MLLT10: variants seen among roughly 807,000 people sequenced by gnomAD.
The protein encoded by MLLT10 is MLLT10 histone lysine methyltransferase DOT1L cofactor, also known as protein AF-10.
Under a neutral mutation model 129.1 loss-of-function variants are expected in MLLT10, and 30 were observed. The observed-to-expected ratio is 0.23, with a 90% CI of 0.17 to 0.32. MLLT10 has a LOEUF of 0.32. Ranked by LOEUF, MLLT10 falls within the 10% of genes least tolerant of loss-of-function variation. The pLI is 1.00. For synonymous variants in MLLT10, 490 were observed against 446.4 expected, an observed-to-expected ratio of 1.10 and a Z score of -1.23; for missense variants, 1,119 against 1,268.3, an observed-to-expected ratio of 0.88 and a Z score of 1.79.
intron 3 of MLLT10, among the ~76,000 whole-genome samples, chr10:21,576,424 G>A (rs2040755162): frequency 6.6e-6 from 1 of 150,904 alleles, no homozygotes; most frequent in Non-Finnish European, 1.5e-5. Context: ...TGTATTTTTA[G>A]TAGAGCTAGG....
Position 21,740,077 on chromosome 10 carries a change from G to C in MLLT10, c.3003G>C (p.Gln1001His). The change falls in exon 22 of 23, where the codon CAG (glutamine) becomes CAC (histidine). Residue 1001 changes from glutamine to histidine, a missense_variant. Coordinates refer to ENST00000307729, the MANE Select transcript of MLLT10 (RefSeq NM_001195626.3). ...ATCAGTTAATGCAACATCACCACCA[G>C]CAGCACCACCAACCTGAACTTCAGC... ...FLYQLMQHHH[Q>H]QHHQPELQQL... 1 of 1,613,804 alleles carries C rather than the reference G, an allele frequency of 6.2e-7. No individual in the cohort carries two copies.
chr10:21,733,487 G>T lies in MLLT10; in HGVS notation c.2408-17G>T, dbSNP rs746977072. 4 of 1,443,054 alleles carry T rather than the reference G, an allele frequency of 2.8e-6. No individual in the cohort carries two copies. The highest frequency in any genetic ancestry group is 1.5e-5 in the South Asian group (1 of 68,712). 89.4% of individuals were successfully genotyped at this position (1,443,054 alleles called of 1,614,324 possible). On this transcript the variant is annotated splice_polypyrimidine_tract_variant and intron_variant, in intron 18 of 22. Coordinates refer to ENST00000307729, the MANE Select transcript of MLLT10 (RefSeq NM_001195626.3). ...TAATAGGGTAAATAGGTTTCTTTTTGTCTTTTATTATTCTAGCTCCTACTA... is the reference window on the plus strand; with the variant it reads ...TAATAGGGTAAATAGGTTTCTTTTTTTCTTTTATTATTCTAGCTCCTACTA...
At chr10:21,614,955 A>G (rs762964449) in intron 7 of MLLT10, 31 bp downstream of exon 7, 3 of 1,525,690 alleles carry the variant, frequency 2.0e-6, no homozygotes, top group African/African-American at 1.4e-5. Context: ...TAATGAAATG[A>G]TTATGATTAG....
intron 13 of MLLT10, among the ~76,000 whole-genome samples, chr10:21,709,276 C>T (rs896313831): frequency 3.3e-5 from 5 of 150,014 alleles, no homozygotes; most frequent in East Asian, 1.9e-4. Context: ...CTTGCTCTGT[C>T]GCCCAGGCTG....
At chr10:21,646,354 CTATT>C (rs2048474231) in intron 8 of MLLT10, among the ~76,000 whole-genome samples, 1 of 152,188 alleles carries the variant, frequency 6.6e-6, no homozygotes, top group South Asian at 2.1e-4. Flanking sequence ...TTCCTTGAAA[CTATT>C]TGGTAATGTT....
At chr10:21,717,592 CTCTTCT>C (rs1197825670) in intron 14 of MLLT10, among the ~76,000 whole-genome samples, 3 of 124,836 alleles carry the variant, frequency 2.4e-5, no homozygotes, top group Non-Finnish European at 5.0e-5. Context: ...CTTCCTCTTC[CTCTTCT>C]TTCTTCCTCT....
intron 13 of MLLT10, chr10:21,708,582 T>A (rs916248201): frequency 2.5e-4 from 242 of 985,186 alleles, no homozygotes; most frequent in South Asian, 1.9e-4. Context: ...GTTTTTTTTT[T>A]ACCAGTAAAC....
intron 8 of MLLT10, among the ~76,000 whole-genome samples, chr10:21,633,388 A>G (rs541388243): frequency 6.6e-6 from 1 of 152,350 alleles, no homozygotes; most frequent in Non-Finnish European, 1.5e-5. Flanking sequence ...TGAAAGATAC[A>G]TAGTGTATTC....
chr10:21,706,066 G>A (rs1046428043), intron 13 of MLLT10, among the ~76,000 whole-genome samples: 1 of 152,178 alleles, frequency 6.6e-6, no homozygotes, highest in African/African-American at 2.4e-5. Flanking sequence ...GGTATTGGTT[G>A]TTAGTTTTTT....
intron 4 of MLLT10, among the ~76,000 whole-genome samples, chr10:21,591,823 A>G (rs1157905772): frequency 6.6e-6 from 1 of 151,900 alleles, no homozygotes; most frequent in East Asian, 1.9e-4. Context: ...TCCCAGGTTC[A>G]AGCAGTCCTG....
At chr10:21,568,810 A>G (rs2039882049) in intron 3 of MLLT10, among the ~76,000 whole-genome samples, 1 of 151,976 alleles carries the variant, frequency 6.6e-6, no homozygotes, top group African/African-American at 2.4e-5. Context: ...CTAATGTTGT[A>G]TTTTTAGCAG....
At chr10:21,572,503 C>G (rs1262090230) in intron 3 of MLLT10, among the ~76,000 whole-genome samples, 1 of 152,086 alleles carries the variant, frequency 6.6e-6, no homozygotes, top group African/African-American at 2.4e-5. Context: ...ACGATTGAGT[C>G]TTAATCATTA....
At chr10:21,640,432 G>A (rs933781816) in intron 8 of MLLT10, among the ~76,000 whole-genome samples, 2 of 151,060 alleles carry the variant, frequency 1.3e-5, no homozygotes, top group Non-Finnish European at 2.9e-5. Flanking sequence ...TTGTAAAGTA[G>A]CTAATTAAGA....
intron 8 of MLLT10, among the ~76,000 whole-genome samples, chr10:21,628,829 C>T (rs1277967776): frequency 6.7e-6 from 1 of 150,036 alleles, no homozygotes; most frequent in African/African-American, 2.5e-5. Flanking sequence ...TCACTGTAAC[C>T]TCTGCTCCCA....
chr10:21,683,266 A>G (rs1481296016), intron 13 of MLLT10, among the ~76,000 whole-genome samples: 2 of 152,172 alleles, frequency 1.3e-5, no homozygotes, highest in South Asian at 2.1e-4. Context: ...AGATTGATTC[A>G]TAATTCTTGT....
intron 4 of MLLT10, among the ~76,000 whole-genome samples, chr10:21,591,248 G>A (rs1468227950): frequency 1.3e-5 from 2 of 152,012 alleles, no homozygotes; most frequent in Non-Finnish European, 2.9e-5. Flanking sequence ...TTGTAGAGAC[G>A]GGGTTTCACC....
intron 14 of MLLT10, among the ~76,000 whole-genome samples, chr10:21,717,719 CTCCTCCTCCTCCTCCTCT>C (rs1270518524): frequency 0.026 from 654 of 25,294 alleles, 27 homozygotes; most frequent in African/African-American, 0.043. Context: ...CCTCCTCTTC[CTCCTCCTCCTCCTCCTCT>C]TCCTCCTCCT....
chr10:21,534,866 A>C lies in MLLT10; in HGVS notation c.160+62A>C, dbSNP rs537652266. The C allele has an allele frequency of 5.1e-6, 6 of 1,168,264 alleles. No individual in the cohort carries two copies. The East Asian group carries it at 1.3e-4, about 25-fold the overall frequency. The allele number at this position is 1,168,264 out of a possible 1,614,324, so 72.4% of individuals were successfully genotyped here. A position where few individuals can be genotyped will look rare whatever the true frequency, so the allele number is the denominator to read the frequency against. ...GCGCCCAACGGTCACCGCCGCCCCCACCTGGGCCGCAACCGCCGGCGCCCC... is the reference window on the plus strand; with the variant it reads ...GCGCCCAACGGTCACCGCCGCCCCCCCCTGGGCCGCAACCGCCGGCGCCCC... On this transcript the variant is annotated intron_variant, in intron 2 of 22. Coordinates refer to ENST00000307729, the MANE Select transcript of MLLT10 (RefSeq NM_001195626.3).
At chr10:21,547,291 A>G (rs1166454418) in intron 3 of MLLT10, among the ~76,000 whole-genome samples, 2 of 151,974 alleles carry the variant, frequency 1.3e-5, no homozygotes, top group East Asian at 3.9e-4. Flanking sequence ...CTGAGTCTTA[A>G]TATCTGTACT....
Sources: gnomAD v4.1 joint callset for allele counts (sites outside exome capture counted in the v4.1 genomes callset) on GRCh38, gnomAD v4.1.1 for gene constraint, MANE v1.5 for transcripts, NCBI Gene and HGNC (gene_info 2026-07-23, HGNC 2026-07-21) for gene names.